The following ZFAT variants were observed in gnomAD, a reference collection of about 807,000 sequenced individuals.
ZFAT encodes the protein zinc finger protein ZFAT.
Under a neutral mutation model 117.7 loss-of-function variants are expected in ZFAT, and 64 were observed. The observed-to-expected ratio is 0.54, with a 90% CI of 0.44 to 0.67. The LOEUF (loss-of-function observed/expected upper bound fraction) is 0.67. ZFAT is among the 30% of genes least tolerant of loss of function. The pLI, the probability that ZFAT is intolerant of heterozygous loss-of-function variation, is 0.00. For synonymous variants in ZFAT, 679 were observed against 615.0 expected (o/e 1.10, Z -1.54); for missense variants, 1,433 against 1,584.5 (o/e 0.90, Z 1.62).
At chr8:134,708,743 A>G (rs1411255377) in intron 1 of ZFAT, among the ~76,000 whole-genome samples, 5 of 152,178 alleles carry the variant, frequency 3.3e-5, no homozygotes, top group African/African-American at 1.2e-4. Context: ...ACCTGAGGTC[A>G]GGAGTTGGAA....
At chr8:134,783,597 C>G in the ZFAT span, 3 of 152,182 alleles carry the variant, frequency 2.0e-5, no homozygotes, top group Non-Finnish European at 4.4e-5. Flanking sequence ...CATACAGTCT[C>G]TATCAAATAT....
intron 3 of ZFAT, among the ~76,000 whole-genome samples, chr8:134,634,493 G>GGAGAAATGT (rs61242766): frequency 6.6e-6 from 1 of 151,806 alleles, no homozygotes. Flanking sequence ...AGCTTTCTGG[G>GGAGAAATGT]CGCAATATTA....
chr8:134,562,264 C>T (rs1824108367), intron 11 of ZFAT, among the ~76,000 whole-genome samples: 1 of 152,156 alleles, frequency 6.6e-6, no homozygotes, highest in African/African-American at 2.4e-5. Flanking sequence ...AAATGCAGCC[C>T]TGCCAACACC....
At chr8:134,541,771 C>T (rs1297464879) in intron 11 of ZFAT, among the ~76,000 whole-genome samples, 1 of 152,196 alleles carries the variant, frequency 6.6e-6, no homozygotes, top group Non-Finnish European at 1.5e-5. Flanking sequence ...GTCATCAACT[C>T]ACATAAAAAT....
intron 1 of ZFAT, among the ~76,000 whole-genome samples, chr8:134,682,554 C>A (rs1196230398): frequency 6.6e-6 from 1 of 152,156 alleles, no homozygotes; most frequent in Admixed American, 6.5e-5. Context: ...ACTGGGGAGG[C>A]TGAGGTGAGA....
At chr8:134,824,136 A>G in the ZFAT span, among the ~76,000 whole-genome samples, 1 of 152,260 alleles carries the variant, frequency 6.6e-6, no homozygotes, top group East Asian at 1.9e-4. Context: ...TGGAAAGATG[A>G]CCAAGGTTCC....
At chr8:134,509,561 G>A (rs1366934231) in intron 15 of ZFAT, 58 bp downstream of exon 15, 26 of 1,606,880 alleles carry the variant, frequency 1.6e-5, no homozygotes, top group African/African-American at 2.7e-5. Flanking sequence ...CAGGGAGAAG[G>A]AGAGAACCTG....
At chr8:134,744,903 G>A in the ZFAT span, among the ~76,000 whole-genome samples, 2 of 151,410 alleles carry the variant, frequency 1.3e-5, no homozygotes, top group East Asian at 2.0e-4. Flanking sequence ...CTACTTTTTC[G>A]TATTTTTAGT....
intron 3 of ZFAT, 128 bp from the exon 4 acceptor site, chr8:134,610,783 C>A (rs993091358): frequency 1.7e-5 from 18 of 1,030,756 alleles, no homozygotes; most frequent in African/African-American, 3.2e-5. Flanking sequence ...CCACGCAGAC[C>A]ACGGAATCAC....
chr8:134,579,530 C>A (rs1265458205), intron 10 of ZFAT, among the ~76,000 whole-genome samples: 1 of 152,168 alleles, frequency 6.6e-6, no homozygotes, highest in Non-Finnish European at 1.5e-5. Flanking sequence ...CACTGGGTCC[C>A]TCCCACATCA....
intron 1 of ZFAT, among the ~76,000 whole-genome samples, chr8:134,671,354 A>G (rs951750817): frequency 7.2e-5 from 11 of 152,366 alleles, no homozygotes; most frequent in Admixed American, 4.6e-4. Context: ...AAAATCCTCA[A>G]TAAAATACTG....
At chr8:134,528,414 A>C (rs1821168752) in intron 12 of ZFAT, among the ~76,000 whole-genome samples, 1 of 152,210 alleles carries the variant, frequency 6.6e-6, no homozygotes, top group Non-Finnish European at 1.5e-5. Context: ...ACAATTTTAA[A>C]ATTAAGATGT....
intron 11 of ZFAT, among the ~76,000 whole-genome samples, chr8:134,535,459 C>A (rs1485713193): frequency 1.3e-5 from 2 of 150,728 alleles, no homozygotes; most frequent in Non-Finnish European, 3.0e-5. Flanking sequence ...CCTGGGAAGC[C>A]TTTCCAGAGC....
chr8:134,775,418 T>C, the ZFAT span, among the ~76,000 whole-genome samples: 4 of 152,212 alleles, frequency 2.6e-5, no homozygotes, highest in Admixed American at 2.0e-4. Context: ...ACATAAAGCC[T>C]GGTTAAACAG....
the ZFAT span, chr8:134,804,974 A>G: frequency 1.9e-6 from 1 of 530,786 alleles, no homozygotes; most frequent in African/African-American, 1.9e-5. Flanking sequence ...ATTTAAGAGG[A>G]GGAACAGACA....
At chr8:134,545,193 C>G (rs976596712) in intron 11 of ZFAT, among the ~76,000 whole-genome samples, 1 of 152,192 alleles carries the variant, frequency 6.6e-6, no homozygotes, top group Non-Finnish European at 1.5e-5. Flanking sequence ...ACCAATATAA[C>G]TCTGAGTAAA....
Position 134,588,262 on chromosome 8 carries a change from A to G in ZFAT, c.2697T>C (p.His899=), listed in dbSNP as rs1393023571. The G allele has an allele frequency of 6.4e-6, 10 of 1,568,548 alleles. No homozygotes were observed. Among genetic ancestry groups the G allele is most frequent in the East Asian group, 2.3e-5 (1 of 42,862 alleles). The change falls in exon 9 of 16, where the codon CAT becomes CAC. Residue 899 remains histidine (H), a synonymous_variant. Coordinates refer to ENST00000377838, the MANE Select transcript of ZFAT (RefSeq NM_020863.4). The part of the protein sequence containing the change: ...FMKNGSDLQR[H]IWAHEGVKPF... Reference sequence around the variant, plus strand: ...AATACTCACCTTCATGAGCCCAAATATGACGCTGAAGGTCTGAGCCATTCT... The same window carrying G: ...AATACTCACCTTCATGAGCCCAAATGTGACGCTGAAGGTCTGAGCCATTCT...
chr8:134,821,140 A>G, the ZFAT span, among the ~76,000 whole-genome samples: 3 of 152,342 alleles, frequency 2.0e-5, no homozygotes, highest in African/African-American at 7.2e-5. Flanking sequence ...TTTTATACAA[A>G]TGGTGATATC....
chr8:134,489,693 T>C (rs376925852), intron 15 of ZFAT, among the ~76,000 whole-genome samples: 3 of 152,318 alleles, frequency 2.0e-5, no homozygotes, highest in South Asian at 4.1e-4. Flanking sequence ...GCCAGGCTCA[T>C]GGCTTCAAAT....
Sources: gnomAD v4.1 joint callset for allele counts (sites outside exome capture counted in the v4.1 genomes callset) on GRCh38, gnomAD v4.1.1 for gene constraint, MANE v1.5 for transcripts, NCBI Gene and HGNC (gene_info 2026-07-23, HGNC 2026-07-21) for gene names.